The following MED13L variants were observed in gnomAD, a reference collection of about 807,000 sequenced individuals.
MED13L encodes mediator of RNA polymerase II transcription subunit 13-like.
Under a neutral mutation model 220.9 loss-of-function variants are expected in MED13L, and 7 were observed. The observed-to-expected ratio is 0.03, with a 90% CI of 0.02 to 0.06. The LOEUF (loss-of-function observed/expected upper bound fraction) is 0.06, where lower values mean the gene tolerates loss of function less well. Ranked by LOEUF, MED13L falls within the 10% of genes least tolerant of loss-of-function variation. The pLI is 1.00. For missense variants in MED13L, 1,965 were observed against 2,760.5 expected (o/e 0.71, Z 6.46); for synonymous variants, 1,011 against 1,015.2 (o/e 1.00, Z 0.08).
At chr12:116,257,501 G>A (rs754642029) in intron 1 of MED13L, among the ~76,000 whole-genome samples, 6 of 152,126 alleles carry the variant, frequency 3.9e-5, no homozygotes, top group Non-Finnish European at 5.9e-5. Context: ...TTGATGACTG[G>A]AGTCTGAATA....
chr12:115,992,028 C>A (rs1444958380), intron 16 of MED13L, 71 bp from the exon 17 acceptor site: 1 of 1,283,876 alleles, frequency 7.8e-7, no homozygotes, highest in Non-Finnish European at 1.1e-6. Flanking sequence ...ACATGATCAC[C>A]CCAGCCATGT....
At chr12:116,276,252 CGA>C (rs899984095) in intron 1 of MED13L, among the ~76,000 whole-genome samples, 3 of 149,914 alleles carry the variant, frequency 2.0e-5, no homozygotes, top group Non-Finnish European at 3.0e-5. Flanking sequence ...AGAGAGAGCG[CGA>C]GAGAGGCGAA....
intron 2 of MED13L, among the ~76,000 whole-genome samples, chr12:116,151,415 C>G (rs1248473306): frequency 2.0e-5 from 3 of 152,108 alleles, no homozygotes; most frequent in Admixed American, 1.3e-4. Context: ...AAAGGTATCA[C>G]GAAGAAACTC....
At chr12:116,210,640 G>A (rs1882644451) in intron 2 of MED13L, among the ~76,000 whole-genome samples, 1 of 147,504 alleles carries the variant, frequency 6.8e-6, no homozygotes, top group African/African-American at 2.5e-5. Flanking sequence ...CGGGGAAAAT[G>A]CATTATGATC....
At chr12:116,143,359 G>A (rs896015193) in intron 2 of MED13L, among the ~76,000 whole-genome samples, 2 of 151,206 alleles carry the variant, frequency 1.3e-5, no homozygotes, top group Non-Finnish European at 1.5e-5. Context: ...GGGAAAGTGA[G>A]AAAAAGAAAG....
At chr12:116,032,138 C>G (rs1880889917) in intron 4 of MED13L, among the ~76,000 whole-genome samples, 1 of 152,052 alleles carries the variant, frequency 6.6e-6, no homozygotes, top group South Asian at 2.1e-4. Context: ...TATATGAAGT[C>G]TTTTAAAAGA....
chr12:115,963,380 T>G, intron 30 of MED13L, 27 bp downstream of exon 30: 1 of 1,496,648 alleles, frequency 6.7e-7, no homozygotes, highest in Non-Finnish European at 9.3e-7. Context: ...CAAATTGCAC[T>G]GCTATGATGC....
intron 2 of MED13L, among the ~76,000 whole-genome samples, chr12:116,171,550 T>G (rs55643039): frequency 0.15 from 23,104 of 152,218 alleles, 1,964 homozygotes; most frequent in Middle Eastern, 0.22. Context: ...TACAGAATCC[T>G]CTGATTTAGC....
intron 1 of MED13L, among the ~76,000 whole-genome samples, chr12:116,252,669 T>C (rs955197946): frequency 1.3e-5 from 2 of 151,710 alleles, no homozygotes; most frequent in African/African-American, 4.8e-5. Context: ...GAAATATTAA[T>C]AGATAAGACA....
At chr12:116,148,559 CTTCT>C (rs759545121) in intron 2 of MED13L, 1 of 313,288 alleles carries the variant, frequency 3.2e-6, no homozygotes, top group Non-Finnish European at 7.0e-6. Context: ...ATACTAAAAA[CTTCT>C]TTGCTTGTTT....
chr12:116,186,362 A>C (rs530525695), intron 2 of MED13L, among the ~76,000 whole-genome samples: 35 of 152,358 alleles, frequency 2.3e-4, no homozygotes, highest in South Asian at 4.1e-4. Flanking sequence ...TTACAGAAAG[A>C]AGCAAAGTTT....
intron 4 of MED13L, among the ~76,000 whole-genome samples, chr12:116,087,213 T>C (rs1281614084): frequency 6.6e-6 from 1 of 152,230 alleles, no homozygotes; most frequent in Admixed American, 6.5e-5. Context: ...TGTTAGGTTC[T>C]GTATTAGCTA....
At chr12:116,050,503 G>C (rs1012270029) in intron 4 of MED13L, among the ~76,000 whole-genome samples, 2 of 152,024 alleles carry the variant, frequency 1.3e-5, no homozygotes, top group Non-Finnish European at 2.9e-5. Context: ...TAGAAAAGTT[G>C]TAAAATTAAC....
intron 2 of MED13L, among the ~76,000 whole-genome samples, chr12:116,229,297 A>C (rs1008611766): frequency 6.6e-6 from 1 of 152,208 alleles, no homozygotes; most frequent in African/African-American, 2.4e-5. Context: ...AATTTTCAAC[A>C]CTATTTGTTC....
At chr12:116,103,974 C>T (rs545181688) in intron 3 of MED13L, among the ~76,000 whole-genome samples, 1 of 147,262 alleles carries the variant, frequency 6.8e-6, no homozygotes, top group African/African-American at 2.5e-5. Flanking sequence ...GAAATCCCTT[C>T]ACCACCACAT....
intron 5 of MED13L, among the ~76,000 whole-genome samples, chr12:116,021,824 A>G (rs1339360215): frequency 6.6e-6 from 1 of 152,186 alleles, no homozygotes; most frequent in Admixed American, 6.5e-5. Context: ...AGACAAAACT[A>G]AGATTTGTAA....
rs1372874737 is a variant in MED13L, at chr12:115,959,505, T to C, written c.*1761A>G. 4 of 152,656 alleles carry C rather than the reference T, an allele frequency of 2.6e-5. No homozygotes were observed. The highest frequency in any genetic ancestry group is 6.5e-5 in the Admixed American group (1 of 15,286). The allele number at this position is 152,656 out of a possible 1,614,324, so 9.5% of individuals were successfully genotyped here. A position where few individuals can be genotyped will look rare whatever the true frequency, so the allele number is the denominator to read the frequency against. ...TCACCAAGATAATTTTATACAAGTT[T>C]ACAATCTTCATCTTCTTATGCTCTT... On this transcript the variant is annotated 3_prime_UTR_variant, in exon 31 of 31. Coordinates refer to ENST00000281928, the MANE Select transcript of MED13L (RefSeq NM_015335.5).
intron 7 of MED13L, among the ~76,000 whole-genome samples, chr12:116,016,226 T>A (rs1396076315): frequency 6.6e-6 from 1 of 152,026 alleles, no homozygotes; most frequent in East Asian, 1.9e-4. Context: ...AGCAACTTTA[T>A]AACACAAACT....
intron 28 of MED13L, among the ~76,000 whole-genome samples, chr12:115,967,195 A>AC (rs1876237706): frequency 6.6e-6 from 1 of 151,434 alleles, no homozygotes; most frequent in Admixed American, 6.6e-5. Flanking sequence ...AAAAAAAAAA[A>AC]ACCTTCTGTT....
Sources: gnomAD v4.1 joint callset for allele counts (sites outside exome capture counted in the v4.1 genomes callset) on GRCh38, gnomAD v4.1.1 for gene constraint, MANE v1.5 for transcripts, NCBI Gene and HGNC (gene_info 2026-07-23, HGNC 2026-07-21) for gene names.